ARB2A: variants seen among roughly 807,000 people sequenced by gnomAD.
ARB2A encodes cotranscriptional regulator ARB2A.
At chr5:93,739,570 T>G in the ARB2A span, 1 of 152,128 alleles carries the variant, frequency 6.6e-6, no homozygotes, top group Non-Finnish European at 1.5e-5. Context: ...ACAGCAGATT[T>G]GAAAACACAG....
chr5:93,809,949 T>C, the ARB2A span, among the ~76,000 whole-genome samples: 2 of 152,100 alleles, frequency 1.3e-5, no homozygotes, highest in African/African-American at 2.4e-5. Context: ...ATATTTGATA[T>C]GTACTGACAT....
chr5:93,807,377 C>A, the ARB2A span, among the ~76,000 whole-genome samples: 1 of 151,814 alleles, frequency 6.6e-6, no homozygotes, highest in Non-Finnish European at 1.5e-5. Flanking sequence ...ATATATTTCA[C>A]CTATAATTGA....
At chr5:93,816,061 T>C in the ARB2A span, among the ~76,000 whole-genome samples, 1 of 152,216 alleles carries the variant, frequency 6.6e-6, no homozygotes, top group Admixed American at 6.5e-5. Context: ...TAAATCCACC[T>C]GGCTCCTCTG....
chr5:93,885,221 G>A, the ARB2A span, among the ~76,000 whole-genome samples: 27 of 151,528 alleles, frequency 1.8e-4, no homozygotes, highest in Middle Eastern at 3.4e-3. Context: ...TTTCATGAAT[G>A]TACCCATAAA....
chr5:93,711,806 C>T, the ARB2A span, among the ~76,000 whole-genome samples: 3 of 152,340 alleles, frequency 2.0e-5, no homozygotes, highest in South Asian at 6.2e-4. Flanking sequence ...ACTTGATTTA[C>T]AGTAGAAGGA....
the ARB2A span, among the ~76,000 whole-genome samples, chr5:93,879,110 A>G: frequency 1.3e-5 from 2 of 152,116 alleles, no homozygotes; most frequent in Admixed American, 1.3e-4. Context: ...TCTGAAAATT[A>G]CAAACACTTG....
chr5:93,940,801 C>G, the ARB2A span, among the ~76,000 whole-genome samples: 2 of 151,856 alleles, frequency 1.3e-5, no homozygotes, highest in South Asian at 4.2e-4. Context: ...AACAAATTAC[C>G]TACTTTATAG....
the ARB2A span, among the ~76,000 whole-genome samples, chr5:93,634,399 A>AAAAAAAAC: frequency 6.6e-5 from 10 of 151,688 alleles, no homozygotes; most frequent in African/African-American, 2.4e-4. Context: ...ACTGTCTCAA[A>AAAAAAAAC]AAAAAACAAA....
At chr5:93,707,951 C>T in the ARB2A span, among the ~76,000 whole-genome samples, 1 of 152,156 alleles carries the variant, frequency 6.6e-6, no homozygotes, top group Non-Finnish European at 1.5e-5. Flanking sequence ...TACCCATTTA[C>T]TCCTTTCCTC....
At chr5:93,858,604 C>T in the ARB2A span, among the ~76,000 whole-genome samples, 1 of 152,200 alleles carries the variant, frequency 6.6e-6, no homozygotes, top group African/African-American at 2.4e-5. Context: ...CACTGTACTT[C>T]TAAACTGACA....
the ARB2A span, among the ~76,000 whole-genome samples, chr5:93,986,254 T>G: frequency 3.5e-4 from 51 of 144,570 alleles, no homozygotes; most frequent in East Asian, 1.3e-3. Flanking sequence ...GAGGAGCCCC[T>G]CCACCCAGCA....
At chr5:94,061,297 A>G in the ARB2A span, among the ~76,000 whole-genome samples, 1 of 152,194 alleles carries the variant, frequency 6.6e-6, no homozygotes, top group African/African-American at 2.4e-5. Context: ...AGCATCGAAT[A>G]AAAGGGCCTT....
the ARB2A span, among the ~76,000 whole-genome samples, chr5:94,047,760 G>C: frequency 6.6e-6 from 1 of 152,046 alleles, no homozygotes; most frequent in Non-Finnish European, 1.5e-5. Context: ...TTTACACATG[G>C]AATTACCTAA....
the ARB2A span, among the ~76,000 whole-genome samples, chr5:93,979,584 CTG>C: frequency 1.3e-5 from 2 of 151,998 alleles, no homozygotes; most frequent in East Asian, 3.8e-4. Flanking sequence ...CAAAAAAACC[CTG>C]CATGCATAAT....
At chr5:93,786,696 T>C in the ARB2A span, among the ~76,000 whole-genome samples, 1 of 152,238 alleles carries the variant, frequency 6.6e-6, no homozygotes, top group South Asian at 2.1e-4. Context: ...TTAGTAGTCC[T>C]GGAACTACTT....
At chr5:93,883,965 A>ACACC in the ARB2A span, among the ~76,000 whole-genome samples, 2 of 135,642 alleles carry the variant, frequency 1.5e-5, no homozygotes, top group African/African-American at 5.3e-5. Context: ...ACACACACAC[A>ACACC]CCACCCTCTC....
At chr5:93,643,812 A>T in the ARB2A span, among the ~76,000 whole-genome samples, 3 of 152,228 alleles carry the variant, frequency 2.0e-5, no homozygotes, top group African/African-American at 7.2e-5. Context: ...TTTAAAATTC[A>T]ATTTTAAGCA....
the ARB2A span, among the ~76,000 whole-genome samples, chr5:94,025,794 C>T: frequency 6.6e-6 from 1 of 152,200 alleles, no homozygotes; most frequent in South Asian, 2.1e-4. Context: ...GTCACTTTGC[C>T]AGCCAGAGAC....
At chr5:94,009,103 A>G in the ARB2A span, among the ~76,000 whole-genome samples, 8 of 152,160 alleles carry the variant, frequency 5.3e-5, no homozygotes, top group Non-Finnish European at 1.2e-4. Flanking sequence ...AAATTAGGTT[A>G]GTTTTTATAA....
Sources: gnomAD v4.1 joint callset for allele counts (sites outside exome capture counted in the v4.1 genomes callset) on GRCh38, gnomAD v4.1.1 for gene constraint, MANE v1.5 for transcripts, NCBI Gene and HGNC (gene_info 2026-07-23, HGNC 2026-07-21) for gene names.